Variants in TMEM245 observed in about 807,000 individuals in gnomAD.
TMEM245 encodes the protein protein CG-2.
Under a neutral mutation model 101.2 loss-of-function variants are expected in TMEM245, and 69 were observed. That is an observed-to-expected ratio of 0.68 (90% CI 0.56 to 0.83). The LOEUF (loss-of-function observed/expected upper bound fraction) is 0.83, where lower values mean the gene tolerates loss of function less well. TMEM245 is among the 40% of genes least tolerant of loss of function. The pLI, the probability that TMEM245 is intolerant of heterozygous loss-of-function variation, is 0.00. For missense variants in TMEM245, 1,075 were observed against 1,092.8 expected, an observed-to-expected ratio of 0.98 and a Z score of 0.23; for synonymous variants, 537 against 449.8, an observed-to-expected ratio of 1.19 and a Z score of -2.45.
chr9:109,036,298 T>G lies in TMEM245; in HGVS notation c.2307A>C (p.Thr769=). Residue 769 remains threonine, a synonymous_variant, in exon 16 of 18, where the codon ACA becomes ACC. Coordinates refer to ENST00000374586, the MANE Select transcript of TMEM245 (RefSeq NM_032012.4). The stretch of plus-strand genomic sequence containing the variant: ...AAATGGCCTTGCATCCTAACCCTTG[T>G]GTCAGCCACAGGTCAAGAACTGCAG... ...AVPAVLDLWL[T]QGLGCKAILL... The G allele has an allele frequency of 6.2e-7, 1 of 1,614,034 alleles. No homozygotes were observed. Among genetic ancestry groups the G allele is most frequent in the Non-Finnish European group, 8.5e-7 (1 of 1,179,988 alleles).
At position 109,111,058 on chromosome 9, in the gene TMEM245, T is replaced by C. The variant is rs79275158; in HGVS notation, c.580-2488A>G. 5.3e-5 allele frequency among the ~76,000 whole-genome samples: 8 copies of C among 151,974 alleles called. No individual in the cohort carries two copies. In the South Asian group the frequency reaches 8.3e-4, roughly 16 times the overall value. ...AGAAATCACAACATGATAATATAAA[T>C]GTAGCTAGGGGAAAAAGAAAAAAAA... On this transcript the variant is annotated intron_variant, in intron 1 of 17. Transcript: ENST00000374586.
At chr9:109,073,856 GTTTTTTTTTT>G (rs904054098) in intron 8 of TMEM245, among the ~76,000 whole-genome samples, 5 of 119,818 alleles carry the variant, frequency 4.2e-5, no homozygotes, top group Admixed American at 1.9e-4. Context: ...TTTTTTTTTT[GTTTTTTTTTT>G]TTTTTTTTTA....
At chr9:109,037,538 T>C (rs1441830710) in intron 15 of TMEM245, among the ~76,000 whole-genome samples, 1 of 152,164 alleles carries the variant, frequency 6.6e-6, no homozygotes, top group East Asian at 1.9e-4. Context: ...AGTGAATGAA[T>C]GAGTTATCGT....
chr9:109,072,449 C>A (rs1829362744), intron 9 of TMEM245, among the ~76,000 whole-genome samples: 1 of 152,228 alleles, frequency 6.6e-6, no homozygotes, highest in Admixed American at 6.5e-5. Context: ...CTTTTTAGAT[C>A]TAAGTGATTA....
At chr9:109,044,789 TCTCA>T (rs199576895) in intron 14 of TMEM245, among the ~76,000 whole-genome samples, 3,105 of 143,674 alleles carry the variant, frequency 0.022, 115 homozygotes, top group African/African-American at 0.078. Flanking sequence ...TGAGATAGAG[TCTCA>T]CTGTCGCCCA....
chr9:109,086,849 C>T (rs558352639), intron 6 of TMEM245, among the ~76,000 whole-genome samples: 49 of 152,346 alleles, frequency 3.2e-4, no homozygotes, highest in African/African-American at 1.2e-3. Flanking sequence ...ATTCACTAAA[C>T]TGAGCCACTA....
rs1588054448 is a variant in TMEM245, at chr9:109,075,501, G to A, written c.1450-2063C>T. 2.0e-5 allele frequency among the ~76,000 whole-genome samples: 3 copies of A among 152,264 alleles called. No individual in the cohort carries two copies. In the Middle Eastern group the frequency reaches 0.01, roughly 518 times the overall value. On this transcript the variant is annotated intron_variant, in intron 8 of 17. Transcript: ENST00000374586. Reference sequence around the variant, plus strand: ...GATCATCTGGGCCTGAGCGCTTCTTGGTAGGAAGAATTTCAAACACTAATT... The same window carrying A: ...GATCATCTGGGCCTGAGCGCTTCTTAGTAGGAAGAATTTCAAACACTAATT...
chr9:109,023,872 G>A (rs1486320028), intron 17 of TMEM245, among the ~76,000 whole-genome samples: 1 of 151,680 alleles, frequency 6.6e-6, no homozygotes, highest in Non-Finnish European at 1.5e-5. Flanking sequence ...AATGCAGAAT[G>A]GGACCACATG....
intron 1 of TMEM245, among the ~76,000 whole-genome samples, chr9:109,110,369 G>C (rs1477268219): frequency 6.6e-6 from 1 of 152,102 alleles, no homozygotes; most frequent in East Asian, 1.9e-4. Context: ...CCAGATTTCA[G>C]AGAAGTGACT....
chr9:109,034,721 C>G (rs62575217), intron 16 of TMEM245, among the ~76,000 whole-genome samples: 1 of 152,108 alleles, frequency 6.6e-6, no homozygotes, highest in Non-Finnish European at 1.5e-5. Flanking sequence ...GGTAGGATTA[C>G]AGGCTTGAGC....
chr9:109,090,938 C>T lies in TMEM245; in HGVS notation c.1134G>A (p.Leu378=). 6.2e-7 allele frequency: 1 copy of T among 1,614,120 alleles called. No homozygotes were observed. Residue 378 remains leucine, a synonymous_variant, in exon 5 of 18, where the codon CTG becomes CTA. Coordinates refer to ENST00000374586, the MANE Select transcript of TMEM245 (RefSeq NM_032012.4). ...IWLNLWIVQL[L]PVPIAVWILK... ...GATAACGACCTGCAATCGGCACTGG[C>T]AGCAACTGCACAATCCACAGGTTCA...
intron 12 of TMEM245, among the ~76,000 whole-genome samples, chr9:109,051,337 C>A (rs1252908880): frequency 1.3e-5 from 2 of 150,730 alleles, no homozygotes; most frequent in African/African-American, 4.9e-5. Context: ...CACACACACA[C>A]ACATCATTGT....
chr9:109,035,338 T>C (rs1409841114), intron 16 of TMEM245, among the ~76,000 whole-genome samples: 2 of 152,182 alleles, frequency 1.3e-5, no homozygotes, highest in African/African-American at 4.8e-5. Flanking sequence ...GCTTTTTAAT[T>C]TTCTCTCTCA....
chr9:109,033,458 C>A lies in TMEM245; in HGVS notation c.2443G>T (p.Ala815Ser), dbSNP rs1199903711. Residue 815 changes from alanine (A) to serine (S), a missense_variant, in exon 17 of 18, where the codon GCA becomes TCA. Ala to Ser is a moderately conservative substitution (Grantham distance 99, BLOSUM62 1). Coordinates refer to ENST00000374586, the MANE Select transcript of TMEM245 (RefSeq NM_032012.4). Reference sequence around the variant, plus strand: ...GCTCCTTCCAGGCCTAGGTAGTATGCTCCACCGGCCACTGCCAAGCCTGTC... The same window carrying A: ...GCTCCTTCCAGGCCTAGGTAGTATGATCCACCGGCCACTGCCAAGCCTGTC... ...YLTGLAVAGG[A>S]YYLGLEGAII... The A allele has an allele frequency of 4.3e-6, 7 of 1,612,198 alleles. No homozygotes were observed. Among genetic ancestry groups the A allele is most frequent in the Non-Finnish European group, 5.9e-6 (7 of 1,179,126 alleles).
chr9:109,057,828 C>CTAAGTCTAAGT lies in TMEM245; in HGVS notation c.1723-507_1723-506insACTTAGACTTA, dbSNP rs1554721899. Reference sequence around the variant, plus strand: ...AATTCTTTTGTTTATATTCTAGGTACCTTGTCTAAGTCTCGCTCCAGTGCT... The same window carrying CTAAGTCTAAGT: ...AATTCTTTTGTTTATATTCTAGGTACTAAGTCTAAGTCTTGTCTAAGTCTCGCTCCAGTGCT... On this transcript the variant is annotated intron_variant, in intron 11 of 17. Coordinates refer to ENST00000374586, the MANE Select transcript of TMEM245 (RefSeq NM_032012.4). Among the ~76,000 whole-genome samples, 32 of 152,048 alleles carry CTAAGTCTAAGT rather than the reference C, an allele frequency of 2.1e-4. No individual in the cohort carries two copies. In the South Asian group the frequency reaches 2.5e-3, roughly 12 times the overall value.
intron 1 of TMEM245, among the ~76,000 whole-genome samples, 160 bp from the exon 2 acceptor site, chr9:109,108,730 G>C (rs548275800): frequency 3.9e-5 from 6 of 152,114 alleles, no homozygotes; most frequent in African/African-American, 1.4e-4. Flanking sequence ...GGTTCTCCTC[G>C]TTTGGAGAAC....
At chr9:109,059,470 C>T (rs1564185145) in intron 11 of TMEM245, among the ~76,000 whole-genome samples, 1 of 152,038 alleles carries the variant, frequency 6.6e-6, no homozygotes, top group Non-Finnish European at 1.5e-5. Context: ...CCTGCCAGAT[C>T]CAGTGTATAG....
intron 14 of TMEM245, among the ~76,000 whole-genome samples, chr9:109,044,824 A>C (rs1428226251): frequency 6.7e-6 from 1 of 148,198 alleles, no homozygotes; most frequent in Non-Finnish European, 1.5e-5. Context: ...CAGTGGCATG[A>C]CCACAGCTCA....
At chr9:109,036,138 TC>T in intron 16 of TMEM245, 67 bp downstream of exon 16, 1 of 1,356,978 alleles carries the variant, frequency 7.4e-7, no homozygotes, top group Non-Finnish European at 9.7e-7. Flanking sequence ...AAAAAAATCC[TC>T]CTTTAAAAAA....
Sources: gnomAD v4.1 joint callset for allele counts (sites outside exome capture counted in the v4.1 genomes callset) on GRCh38, gnomAD v4.1.1 for gene constraint, MANE v1.5 for transcripts, NCBI Gene and HGNC (gene_info 2026-07-23, HGNC 2026-07-21) for gene names.